The following PKHD1 variants were observed in gnomAD, a reference collection of about 807,000 sequenced individuals.
The protein encoded by PKHD1 is fibrocystin.
A neutral mutation model predicts 412.0 loss-of-function variants in PKHD1; 291 were observed. The observed-to-expected ratio is 0.71, with a 90% CI of 0.64 to 0.78. The LOEUF (loss-of-function observed/expected upper bound fraction) is 0.78. Among genes scored for constraint, PKHD1 ranks in the 30% least tolerant of loss-of-function variants. The probability of loss-of-function intolerance (pLI) is 0.00; values close to 1 mark genes in which losing one functional copy is unlikely to be tolerated. For synonymous variants in PKHD1, 1,777 were observed against 1,821.5 expected (o/e 0.98, Z 0.62); for missense variants, 4,825 against 4,950.7 (o/e 0.97, Z 0.76).
chr6:52,049,448 C>T (rs1332520931), intron 22 of PKHD1, among the ~76,000 whole-genome samples: 1 of 152,114 alleles, frequency 6.6e-6, no homozygotes, highest in African/African-American at 2.4e-5. Context: ...TATGTGTATA[C>T]ACATATATAC....
intron 37 of PKHD1, among the ~76,000 whole-genome samples, chr6:51,921,101 G>T (rs1231380103): frequency 6.6e-6 from 1 of 151,978 alleles, no homozygotes; most frequent in Non-Finnish European, 1.5e-5. Flanking sequence ...TTTTTGAAGG[G>T]TTTTTTGTGT....
intron 57 of PKHD1, among the ~76,000 whole-genome samples, chr6:51,749,953 T>C (rs1438502991): frequency 6.6e-6 from 1 of 152,182 alleles, no homozygotes; most frequent in Non-Finnish European, 1.5e-5. Context: ...TTTATCTCAT[T>C]AAAAATAAAG....
intron 52 of PKHD1, among the ~76,000 whole-genome samples, chr6:51,823,710 G>A (rs913409328): frequency 3.3e-5 from 5 of 152,022 alleles, no homozygotes; most frequent in Admixed American, 3.3e-4. Context: ...TATTTTAATC[G>A]AAATTTCATT....
chr6:52,077,338 A>G (rs1182426505), intron 5 of PKHD1, among the ~76,000 whole-genome samples: 1 of 152,162 alleles, frequency 6.6e-6, no homozygotes, highest in Non-Finnish European at 1.5e-5. Context: ...TTAAGGATGA[A>G]CTGGCCAGAC....
At chr6:51,927,941 C>T (rs1204486563) in intron 37 of PKHD1, among the ~76,000 whole-genome samples, 2 of 152,072 alleles carry the variant, frequency 1.3e-5, no homozygotes, top group Non-Finnish European at 2.9e-5. Flanking sequence ...GTGGAAAAGC[C>T]TCCTACAAGA....
At chr6:51,890,320 G>A (rs1016189319) in intron 43 of PKHD1, among the ~76,000 whole-genome samples, 1 of 151,980 alleles carries the variant, frequency 6.6e-6, no homozygotes, top group Non-Finnish European at 1.5e-5. Context: ...CCAATAATAG[G>A]GTGCAAGTGA....
chr6:51,808,335 A>C (rs564281348), intron 52 of PKHD1, among the ~76,000 whole-genome samples: 6 of 152,274 alleles, frequency 3.9e-5, no homozygotes, highest in Admixed American at 1.3e-4. Flanking sequence ...TCAGGAAATG[A>C]AACTGGCTGG....
intron 60 of PKHD1, among the ~76,000 whole-genome samples, chr6:51,672,736 A>AT (rs1775207396): frequency 6.6e-6 from 1 of 152,236 alleles, no homozygotes; most frequent in Non-Finnish European, 1.5e-5. Flanking sequence ...TTTCAGCTGC[A>AT]TAAGAAGGGA....
At chr6:51,997,555 T>A (rs939667216) in intron 35 of PKHD1, among the ~76,000 whole-genome samples, 3 of 152,224 alleles carry the variant, frequency 2.0e-5, no homozygotes, top group Admixed American at 2.0e-4. Flanking sequence ...TTGAGGAAAG[T>A]TTCTTGATGC....
chr6:52,019,269 T>C (rs971117272), intron 33 of PKHD1, among the ~76,000 whole-genome samples: 4 of 152,226 alleles, frequency 2.6e-5, no homozygotes, highest in Non-Finnish European at 5.9e-5. Context: ...CTTCCCCGCC[T>C]CATTACAGTG....
chr6:51,683,426 A>G (rs1776976229), intron 60 of PKHD1, among the ~76,000 whole-genome samples: 1 of 152,078 alleles, frequency 6.6e-6, no homozygotes, highest in Admixed American at 6.6e-5. Context: ...AAATACCAAA[A>G]AATATATTTA....
chr6:51,968,423 T>C (rs1793168957), intron 35 of PKHD1, among the ~76,000 whole-genome samples: 1 of 152,160 alleles, frequency 6.6e-6, no homozygotes, highest in African/African-American at 2.4e-5. Flanking sequence ...AGAGGAGCTG[T>C]GCTCACAGCT....
Position 51,669,511 on chromosome 6 carries a change from T to G in PKHD1, c.10157-9542A>C, listed in dbSNP as rs1187427641. ...TCAAAAAACCAGCTCCTGGATTCAT[T>G]AATTTTTTGAAGGGTTTTTTGTGTC... On this transcript the variant is annotated intron_variant, in intron 60 of 66. Transcript: ENST00000371117. Among the ~76,000 whole-genome samples, 21 of 148,792 alleles carry G rather than the reference T, an allele frequency of 1.4e-4. No homozygotes were observed. The East Asian group carries it at 3.4e-3, about 24-fold the overall frequency.
chr6:51,871,126 A>T (rs2151782582), intron 46 of PKHD1, among the ~76,000 whole-genome samples: 1 of 152,306 alleles, frequency 6.6e-6, no homozygotes, highest in South Asian at 2.1e-4. Context: ...GCAGTTTCTT[A>T]TAAAGTTAAA....
In PKHD1 at chr6:51,615,527, T is replaced by A. The variant is rs1367908873; in HGVS notation, c.*3554A>T. On this transcript the variant is annotated 3_prime_UTR_variant, in exon 67 of 67. Transcript: ENST00000371117. ...TTTCAAAATTGGCATAGACTATAAG[T>A]TCTGAAAGCAAAATATGGAATGCAT... 6.6e-6 allele frequency: 1 copy of A among 152,184 alleles called. No homozygotes were observed. The highest frequency in any genetic ancestry group is 1.5e-5 in the Non-Finnish European group (1 of 68,016). The allele number at this position is 152,184 out of a possible 1,614,324, so 9.4% of individuals were successfully genotyped here. A position where few individuals can be genotyped will look rare whatever the true frequency, so the allele number is the denominator to read the frequency against.
chr6:51,658,816 CTT>C (rs1772319164), intron 61 of PKHD1, 134 bp downstream of exon 61: 2 of 668,564 alleles, frequency 3.0e-6, no homozygotes, highest in African/African-American at 1.8e-5. Context: ...TTAAATGACT[CTT>C]TGAATTTTTA....
chr6:51,972,544 C>A (rs1259525249), intron 35 of PKHD1, among the ~76,000 whole-genome samples: 1 of 152,224 alleles, frequency 6.6e-6, no homozygotes, highest in Non-Finnish European at 1.5e-5. Context: ...CCTATGCAAT[C>A]TGATGCAGAT....
chr6:51,732,557 T>C (rs1783355382), intron 60 of PKHD1, among the ~76,000 whole-genome samples: 1 of 152,190 alleles, frequency 6.6e-6, no homozygotes, highest in South Asian at 2.1e-4. Context: ...TCAACACTAC[T>C]AATCACTTGG....
At chr6:52,087,258 C>T (rs374433308) in intron 1 of PKHD1, among the ~76,000 whole-genome samples, 176 bp downstream of exon 1, 40 of 152,306 alleles carry the variant, frequency 2.6e-4, no homozygotes, top group East Asian at 9.6e-4. Flanking sequence ...TCTGCTCTCA[C>T]TCCCTCTTCC....
Sources: allele counts gnomAD v4.1 joint callset (sites outside exome capture counted in the v4.1 genomes callset), GRCh38; gene constraint gnomAD v4.1.1; transcripts MANE v1.5; gene names NCBI Gene and HGNC (gene_info 2026-07-23, HGNC 2026-07-21).